Variants in ADGRL3 observed in about 807,000 individuals in gnomAD.
ADGRL3 encodes the protein calcium-independent alpha-latrotoxin receptor 3.
In ADGRL3, 62 loss-of-function variants were observed where a neutral mutation model predicts 153.5. The ratio of observed to expected loss-of-function variants is 0.40; its 90% CI spans 0.33 to 0.50. ADGRL3 has a LOEUF of 0.50. Ranked by LOEUF, ADGRL3 falls within the 20% of genes least tolerant of loss-of-function variation. The pLI is 0.47. For synonymous variants in ADGRL3, 710 were observed against 672.5 expected, an observed-to-expected ratio of 1.06 and a Z score of -0.86; for missense variants, 1,641 against 1,859.4, an observed-to-expected ratio of 0.88 and a Z score of 2.16.
At chr4:61,439,310 C>T (rs2606717) in intron 2 of ADGRL3, among the ~76,000 whole-genome samples, 141,834 of 152,198 alleles carry the variant, frequency 0.93, 66,926 homozygotes, top group East Asian at 1. Context: ...GCTTGAAAGA[C>T]AATATTTGAG....
At position 61,892,977 on chromosome 4, in the gene ADGRL3, A is replaced by G; in HGVS notation, c.1783+19A>G. 1 of 1,463,030 alleles carries G rather than the reference A, an allele frequency of 6.8e-7. No individual in the cohort carries two copies. The highest frequency in any genetic ancestry group is 9.0e-7 in the Non-Finnish European group (1 of 1,105,016). The allele number at this position is 1,463,030 out of a possible 1,614,324, so 90.6% of individuals were successfully genotyped here. Reference sequence around the variant, plus strand: ...ACTATAGGTAAGTCTGTGCTAAAGCACTAAGTTAAAACTGTTGTGTTGCTT... The same window carrying G: ...ACTATAGGTAAGTCTGTGCTAAAGCGCTAAGTTAAAACTGTTGTGTTGCTT... On this transcript the variant is annotated intron_variant, in intron 10 of 26. Coordinates refer to ENST00000683033, the MANE Select transcript of ADGRL3 (RefSeq NM_001387552.1).
chr4:61,989,618 A>G (rs1225147195), intron 19 of ADGRL3, among the ~76,000 whole-genome samples: 1 of 152,076 alleles, frequency 6.6e-6, no homozygotes, highest in Admixed American at 6.5e-5. Flanking sequence ...GACATATACA[A>G]TTATCATCAT....
chr4:61,328,424 C>T (rs1027743228), intron 1 of ADGRL3, among the ~76,000 whole-genome samples: 1 of 152,062 alleles, frequency 6.6e-6, no homozygotes, highest in African/African-American at 2.4e-5. Context: ...CCAGTGATCT[C>T]ATTATATGTT....
chr4:61,324,138 T>C (rs1214690017), intron 1 of ADGRL3, among the ~76,000 whole-genome samples: 1 of 152,134 alleles, frequency 6.6e-6, no homozygotes, highest in Non-Finnish European at 1.5e-5. Context: ...GCCCCCATGA[T>C]TCGGTCATCT....
chr4:61,644,600 G>C (rs533677998), intron 5 of ADGRL3, among the ~76,000 whole-genome samples: 31 of 152,282 alleles, frequency 2.0e-4, no homozygotes, highest in African/African-American at 5.5e-4. Context: ...GCGGTTTTGC[G>C]TGAGATTCTT....
At chr4:61,636,399 C>T (rs190696218) in intron 5 of ADGRL3, among the ~76,000 whole-genome samples, 1 of 152,180 alleles carries the variant, frequency 6.6e-6, no homozygotes, top group Admixed American at 6.5e-5. Flanking sequence ...TGGTGTACAA[C>T]ATGTGGGCTA....
chr4:61,499,835 T>C (rs1457143940), intron 3 of ADGRL3, among the ~76,000 whole-genome samples: 1 of 152,098 alleles, frequency 6.6e-6, no homozygotes, highest in Admixed American at 6.6e-5. Context: ...AAACAGACAT[T>C]GTAAGAAAGA....
chr4:61,754,228 TA>T (rs1245348715), intron 8 of ADGRL3, among the ~76,000 whole-genome samples: 1 of 152,240 alleles, frequency 6.6e-6, no homozygotes, highest in African/African-American at 2.4e-5. Flanking sequence ...CCAATGTTTC[TA>T]GTTATTTTCT....
chr4:62,032,122 A>G (rs1232905254), intron 23 of ADGRL3, among the ~76,000 whole-genome samples: 1 of 151,494 alleles, frequency 6.6e-6, no homozygotes, highest in African/African-American at 2.4e-5. Context: ...ATACATTTAT[A>G]TTTTTTGAAT....
At chr4:61,723,441 A>G (rs963056040) in intron 6 of ADGRL3, among the ~76,000 whole-genome samples, 1 of 152,088 alleles carries the variant, frequency 6.6e-6, no homozygotes, top group African/African-American at 2.4e-5. Flanking sequence ...ATACAGAGGG[A>G]GTGGGGGCTC....
chr4:62,001,023 A>G (rs1437418254), intron 21 of ADGRL3, among the ~76,000 whole-genome samples: 1 of 152,110 alleles, frequency 6.6e-6, no homozygotes, highest in East Asian at 1.9e-4. Flanking sequence ...GCCTCAAGCT[A>G]TCCTTCCGCT....
At chr4:61,675,058 C>G (rs1230037760) in intron 5 of ADGRL3, among the ~76,000 whole-genome samples, 6 of 151,926 alleles carry the variant, frequency 3.9e-5, no homozygotes. Flanking sequence ...TCACCTTTCA[C>G]TGATAACACA....
chr4:61,408,207 A>C (rs544603600), intron 2 of ADGRL3, among the ~76,000 whole-genome samples: 3 of 152,226 alleles, frequency 2.0e-5, no homozygotes, highest in Non-Finnish European at 4.4e-5. Context: ...AAGATCACAT[A>C]AAATTGACTA....
intron 4 of ADGRL3, among the ~76,000 whole-genome samples, chr4:61,541,488 A>T (rs1413420932): frequency 6.6e-6 from 1 of 151,884 alleles, no homozygotes; most frequent in Admixed American, 6.6e-5. Context: ...TGTGTGTCTA[A>T]GGAAATATCA....
intron 8 of ADGRL3, chr4:61,775,776 G>A (rs992095885): frequency 8.7e-6 from 7 of 803,866 alleles, no homozygotes; most frequent in South Asian, 2.7e-5. Context: ...CGTGGATGAG[G>A]GCAGTCTTCA....
At position 62,037,759 on chromosome 4, in the gene ADGRL3, G is replaced by A. The variant is rs372464266; in HGVS notation, c.3620G>A (p.Arg1207Gln). 6.8e-6 allele frequency: 11 copies of A among 1,613,584 alleles called. No individual in the cohort carries two copies. Among genetic ancestry groups the A allele is most frequent in the Middle Eastern group, 1.6e-4 (1 of 6,080 alleles). ...KVRKEYGKCL[R>Q]THCCSGKSTE... is the part of the protein sequence containing the mutation. Reference sequence around the variant, plus strand: ...CGAAAAGAGTATGGGAAATGCCTGCGAACACATTGCTGTAGTGGCAAAAGT... The same window carrying A: ...CGAAAAGAGTATGGGAAATGCCTGCAAACACATTGCTGTAGTGGCAAAAGT... The change falls in exon 24 of 27, where the codon CGA (arginine) becomes CAA (glutamine). Residue 1207 changes from arginine to glutamine, a missense_variant. Around this residue, in one of 5 missense-constraint regions of ADGRL3, gnomAD observed 517 missense variants for 555.0 expected, o/e 0.93. Coordinates refer to ENST00000683033, the MANE Select transcript of ADGRL3 (RefSeq NM_001387552.1).
intron 1 of ADGRL3, among the ~76,000 whole-genome samples, chr4:61,287,372 T>C (rs2093977647): frequency 6.6e-6 from 1 of 152,062 alleles, no homozygotes; most frequent in South Asian, 2.1e-4. Flanking sequence ...ATATCGACAT[T>C]TCCATTTTAA....
intron 2 of ADGRL3, among the ~76,000 whole-genome samples, chr4:61,388,356 A>C (rs1043869599): frequency 2.0e-5 from 3 of 152,194 alleles, no homozygotes; most frequent in African/African-American, 7.2e-5. Flanking sequence ...AAAAGGAAAG[A>C]TGTGCTGGAG....
intron 9 of ADGRL3, among the ~76,000 whole-genome samples, chr4:61,826,712 T>C (rs2097805255): frequency 6.6e-6 from 1 of 152,074 alleles, no homozygotes; most frequent in South Asian, 2.1e-4. Context: ...GGAGAATGAC[T>C]TAGAGAGAGG....
Sources: gnomAD v4.1 joint callset for allele counts (sites outside exome capture counted in the v4.1 genomes callset) on GRCh38, gnomAD v4.1.1 for gene constraint, gnomAD v4.1.1 regional missense constraint, MANE v1.5 for transcripts, NCBI Gene and HGNC (gene_info 2026-07-23, HGNC 2026-07-21) for gene names.